The following PARP9 variants were observed in gnomAD, a reference collection of about 807,000 sequenced individuals.
PARP9 encodes protein mono-ADP-ribosyltransferase PARP9.
Under a neutral mutation model 68.8 loss-of-function variants are expected in PARP9, and 48 were observed. The observed-to-expected ratio is 0.70, with a 90% confidence interval of 0.55 to 0.89. PARP9 has a LOEUF of 0.89. PARP9 is among the 40% of genes least tolerant of loss of function. The pLI is 0.00. For missense variants in PARP9, 806 were observed against 969.3 expected (o/e 0.83, Z 2.24); for synonymous variants, 309 against 333.8 (o/e 0.93, Z 0.81).
intron 6 of PARP9, among the ~76,000 whole-genome samples, chr3:122,547,121 T>G (rs1355891224): frequency 7.0e-6 from 1 of 143,590 alleles, no homozygotes; most frequent in Non-Finnish European, 1.5e-5. Context: ...TCTTTTTTTT[T>G]TTTTTTGAGA....
intron 1 of PARP9, among the ~76,000 whole-genome samples, chr3:122,559,973 G>T (rs911467725): frequency 6.6e-6 from 1 of 152,218 alleles, no homozygotes; most frequent in African/African-American, 2.4e-5. Context: ...ATATGGAGGA[G>T]TTGAGACTAG....
intron 10 of PARP9, chr3:122,534,170 G>A (rs2077485336): frequency 2.5e-6 from 2 of 802,904 alleles, no homozygotes; most frequent in Non-Finnish European, 3.0e-6. Context: ...CAAGATCTGT[G>A]GTTAGGTTAT....
intron 7 of PARP9, among the ~76,000 whole-genome samples, chr3:122,545,023 G>A (rs1165865419): frequency 6.6e-6 from 1 of 152,140 alleles, no homozygotes; most frequent in Non-Finnish European, 1.5e-5. Context: ...TTGGGTTTGA[G>A]TAACACTGAG....
At position 122,545,875 on chromosome 3, in the gene PARP9, G is replaced by A. The variant is rs1462320454; in HGVS notation, c.1327-386C>T. On this transcript the variant is annotated intron_variant, in intron 6 of 10. Transcript: ENST00000682323. ...TAAAACACAAATTCATTTAAAAATG[G>A]TATACACACCAAACTTGGTCTGTAA... is the stretch of plus-strand genomic sequence containing the variant. The A allele has an allele frequency of 8.1e-5, 15 of 185,170 alleles. No homozygotes were observed. In the East Asian group the frequency reaches 2.2e-3, roughly 27 times the overall value. 11.5% of individuals were successfully genotyped at this position (185,170 alleles called of 1,614,324 possible).
At position 122,558,197 on chromosome 3, in the gene PARP9, G is replaced by A. The variant is rs1559877827; in HGVS notation, c.49+237C>T. 6 of 1,173,846 alleles carry A rather than the reference G, an allele frequency of 5.1e-6. No homozygotes were observed. In the Admixed American group the frequency reaches 7.7e-5, roughly 15 times the overall value. The allele number at this position is 1,173,846 out of a possible 1,614,324, so 72.7% of individuals were successfully genotyped here. ...CTGGTCAATTCAGCCATAGGCTGTCGTTAAAAGAGTCTCACATTTACGGGC... is the reference window on the plus strand; with the variant it reads ...CTGGTCAATTCAGCCATAGGCTGTCATTAAAAGAGTCTCACATTTACGGGC... On this transcript the variant is annotated intron_variant, in intron 3 of 10. Transcript: ENST00000682323.
In PARP9 at chr3:122,537,164, G is replaced by A. The variant is rs1308331004; in HGVS notation, c.1766-91C>T. 5.9e-6 allele frequency: 8 copies of A among 1,348,670 alleles called. No homozygotes were observed. The Admixed American group carries it at 1.6e-4, about 26-fold the overall frequency. The allele number at this position is 1,348,670 out of a possible 1,614,324, so 83.5% of individuals were successfully genotyped here. On this transcript the variant is annotated intron_variant, in intron 8 of 10. Coordinates refer to ENST00000682323, the MANE Select transcript of PARP9 (RefSeq NM_001146105.2). ...AACAAATTCTAGAAATTTAGAGGAA[G>A]GGATTAGCCAGTTTAAATTGTGTGC...
chr3:122,536,472 G>C, intron 9 of PARP9, 130 bp from the exon 10 acceptor site: 2 of 1,431,996 alleles, frequency 1.4e-6, no homozygotes, highest in South Asian at 3.0e-5. Context: ...GCTTTTCATA[G>C]AAAGTTGCAA....
rs761340447 is a variant in PARP9, at chr3:122,555,780, T to C, written c.391A>G (p.Lys131Glu). The change falls in exon 4 of 11, where the codon AAA becomes GAA. Residue 131 changes from lysine (K) to glutamate (E), a missense_variant. Physicochemically the swap from Lys to Glu is moderately conservative, Grantham distance 56. Around this residue, in one of 2 missense-constraint regions of PARP9, gnomAD observed 680 missense variants for 858.8 expected, o/e 0.79. Transcript: ENST00000682323. ...AGGFEIQEES[K>E]QFVARYGKVS... The stretch of plus-strand genomic sequence containing the variant: ...TTACCATATCTGGCAACAAACTGTT[T>C]GCTCTCTTCTTGGATTTCAAATCCA... The C allele has an allele frequency of 6.2e-7, 1 of 1,614,046 alleles. No individual in the cohort carries two copies. The highest frequency in any genetic ancestry group is 8.5e-7 in the Non-Finnish European group (1 of 1,180,010).
intron 10 of PARP9, among the ~76,000 whole-genome samples, chr3:122,530,128 G>A (rs1428802560): frequency 1.4e-5 from 2 of 139,726 alleles, no homozygotes; most frequent in Non-Finnish European, 3.0e-5. Context: ...AGTGAGCTGT[G>A]ATCGTGCCAC....
rs1293735673 is a variant in PARP9, at chr3:122,556,107, C to A, written c.64G>T (p.Gly22Ter). The change falls in exon 4 of 11, where the codon GGA (glycine) becomes TGA (stop). Residue 22 changes from glycine to a stop codon, truncating the protein, a stop_gained. Coordinates refer to ENST00000682323, the MANE Select transcript of PARP9 (RefSeq NM_001146105.2). LOFTEE classifies it high-confidence loss of function. ...YNEKSETGALGENYSWQIPIN... is the reference protein window; with the variant it reads ...YNEKSETGAL ...GGAATTTGCCAACTATAGTTTTCTC[C>A]AAGAGCACCAGTCTCTGGAAAAGAA... is the stretch of plus-strand genomic sequence containing the variant. The A allele has an allele frequency of 4.0e-6, 5 of 1,243,070 alleles. No individual in the cohort carries two copies. The highest frequency in any genetic ancestry group is 5.5e-6 in the Non-Finnish European group (5 of 910,722). 77.0% of individuals were successfully genotyped at this position (1,243,070 alleles called of 1,614,324 possible).
Position 122,536,934 on chromosome 3 carries a change from C to G in PARP9, c.1905G>C (p.Lys635Asn), listed in dbSNP as rs1035072971. ...AAATCTTCCCCTTTGTTAGGTATAC[C>G]TTTAGAACCTGCAAACCACATTTTT... ...QFEKCGLQVL[K>N]VEKIDNEVLM... is the part of the protein sequence containing the mutation. The change falls in exon 9 of 11, where the codon AAG becomes AAC. Residue 635 changes from lysine (K) to asparagine (N), a missense_variant and splice_region_variant. Coordinates refer to ENST00000682323, the MANE Select transcript of PARP9 (RefSeq NM_001146105.2). 6.2e-7 allele frequency: 1 copy of G among 1,611,298 alleles called. No individual in the cohort carries two copies. The highest frequency in any genetic ancestry group is 8.5e-7 in the Non-Finnish European group (1 of 1,179,302).
chr3:122,545,413 C>T lies in PARP9; in HGVS notation c.1384+19G>A, dbSNP rs753834066. On this transcript the variant is annotated intron_variant, in intron 7 of 10. Coordinates refer to ENST00000682323, the MANE Select transcript of PARP9 (RefSeq NM_001146105.2). Reference sequence around the variant, plus strand: ...ATGGTGGGCGACCCTACTTATTGGCCTGTGAATTTCTTACTCACCACTGTA... The same window carrying T: ...ATGGTGGGCGACCCTACTTATTGGCTTGTGAATTTCTTACTCACCACTGTA... 6.8e-6 allele frequency: 11 copies of T among 1,613,414 alleles called. No homozygotes were observed. The Admixed American group carries it at 1.8e-4, about 27-fold the overall frequency.
chr3:122,532,382 A>C, intron 10 of PARP9: 5 of 985,340 alleles, frequency 5.1e-6, no homozygotes, highest in Non-Finnish European at 6.0e-6. Context: ...CATAAGCCAG[A>C]CAACCCTCCC....
chr3:122,528,702 T>C lies in PARP9; in HGVS notation c.2122A>G (p.Lys708Glu), dbSNP rs1017914787. Residue 708 changes from lysine (K) to glutamate (E), a missense_variant, in exon 11 of 11, where the codon AAA (lysine) becomes GAA (glutamate). Around this residue, in one of 2 missense-constraint regions of PARP9, gnomAD observed 680 missense variants for 858.8 expected, o/e 0.79. Transcript: ENST00000682323. ...GAGIYFTKNL[K>E]NLAEKAKKIS... ...TTCTTGGCCTTCTCTGCCAGGTTTT[T>C]GAGGTTCTTGGTGAAGTATATGCCA... 6.8e-6 allele frequency: 11 copies of C among 1,613,722 alleles called. No homozygotes were observed. The highest frequency in any genetic ancestry group is 1.3e-5 in the African/African-American group (1 of 74,900).
In PARP9 at chr3:122,564,208, G is replaced by A; in HGVS notation, c.-90+37C>T. On this transcript the variant is annotated intron_variant, in intron 1 of 10. Coordinates refer to ENST00000682323, the MANE Select transcript of PARP9 (RefSeq NM_001146105.2). The stretch of plus-strand genomic sequence containing the variant: ...CGCCCACCTCGAGCCTGCAGGAGAG[G>A]GGACCCCGAGGGCCCAGAGGCACCG... The A allele has an allele frequency of 5.6e-6, 3 of 536,306 alleles. No homozygotes were observed. In the South Asian group the frequency reaches 8.0e-5, roughly 14 times the overall value. 33.2% of individuals were successfully genotyped at this position (536,306 alleles called of 1,614,324 possible).
chr3:122,550,883 A>G, intron 5 of PARP9, 81 bp from the exon 6 acceptor site: 2 of 1,264,190 alleles, frequency 1.6e-6, no homozygotes, highest in Non-Finnish European at 2.2e-6. Flanking sequence ...CCCATATTTT[A>G]CAATGTCCAC....
upstream of PARP9, chr3:122,564,679 C>G: frequency 6.5e-7 from 1 of 1,538,620 alleles, no homozygotes. Flanking sequence ...TCCAGGCGGA[C>G]CCAGTTCCAG....
chr3:122,564,098 A>T (rs1482390996), intron 1 of PARP9, 147 bp downstream of exon 1: 3 of 325,916 alleles, frequency 9.2e-6, no homozygotes, highest in Admixed American at 4.9e-5. Context: ...TAAGAAACAC[A>T]GGAGAAACTT....
At position 122,556,069 on chromosome 3, in the gene PARP9, A is replaced by G; in HGVS notation, c.102T>C (p.Asn34=). 1 of 1,523,540 alleles carries G rather than the reference A, an allele frequency of 6.6e-7. No individual in the cohort carries two copies. The highest frequency in any genetic ancestry group is 8.9e-7 in the Non-Finnish European group (1 of 1,124,508). The allele number at this position is 1,523,540 out of a possible 1,614,324, so 94.4% of individuals were successfully genotyped here. Residue 34 remains asparagine (N), a synonymous_variant, in exon 4 of 11, where the codon AAT becomes AAC. Transcript: ENST00000682323. ...NYSWQIPINH[N]DFKILKNNER... ...CATTATTTTTTAAAATTTTGAAGTC[A>G]TTGTGGTTAATGGGAATTTGCCAAC...
Sources: gnomAD v4.1 joint callset for allele counts (sites outside exome capture counted in the v4.1 genomes callset) on GRCh38, gnomAD v4.1.1 for gene constraint, gnomAD v4.1.1 regional missense constraint, MANE v1.5 for transcripts, NCBI Gene and HGNC (gene_info 2026-07-23, HGNC 2026-07-21) for gene names.